The following CDH18 variants were observed in gnomAD, a reference collection of about 807,000 sequenced individuals.
CDH18 encodes the protein cadherin 18.
A neutral mutation model predicts 67.9 loss-of-function variants in CDH18; 31 were observed. The observed-to-expected ratio is 0.46, with a 90% CI of 0.34 to 0.62. The LOEUF is 0.62. Among genes scored for constraint, CDH18 ranks in the 20% least tolerant of loss-of-function variants. CDH18 has a pLI of 0.01. For synonymous variants in CDH18, 362 were observed against 347.2 expected (o/e 1.04, Z -0.48); for missense variants, 890 against 975.5 (o/e 0.91, Z 1.17).
chr5:20,392,229 T>C (rs936694963), intron 1 of CDH18, among the ~76,000 whole-genome samples: 2 of 151,880 alleles, frequency 1.3e-5, no homozygotes, highest in Non-Finnish European at 2.9e-5. Flanking sequence ...CAAATAATTA[T>C]TGAATTATTT....
At chr5:20,418,215 A>C (rs373841336) in intron 1 of CDH18, among the ~76,000 whole-genome samples, 1 of 135,146 alleles carries the variant, frequency 7.4e-6, no homozygotes, top group Non-Finnish European at 1.5e-5. Flanking sequence ...AGCAGGGATT[A>C]CAGGTGTCTG....
At position 20,429,410 on chromosome 5, in the gene CDH18, G is replaced by A. The variant is rs187390696; in HGVS notation, c.-580+146052C>T. 1.3e-3 allele frequency among the ~76,000 whole-genome samples: 198 copies of A among 152,228 alleles called. 1 individual carries two copies. The highest frequency in any genetic ancestry group is 2.4e-3 in the Non-Finnish European group (162 of 68,002). On this transcript the variant is annotated intron_variant, in intron 1 of 14. Transcript: ENST00000507958. ...TATTTTCCTTTCACAGATTGTGAAA[G>A]CAACAGTTATTCCCAGAATCACTAA...
chr5:20,563,574 T>C (rs1351202224), intron 1 of CDH18, among the ~76,000 whole-genome samples: 1 of 152,086 alleles, frequency 6.6e-6, no homozygotes, highest in Non-Finnish European at 1.5e-5. Context: ...ATACTTTAAG[T>C]TCTAGGGTAC....
At chr5:20,035,653 TC>T (rs1307528973) in intron 2 of CDH18, among the ~76,000 whole-genome samples, 1 of 152,054 alleles carries the variant, frequency 6.6e-6, no homozygotes, top group East Asian at 1.9e-4. Flanking sequence ...TCCAATCACC[TC>T]CCACTGGGTC....
chr5:20,032,019 C>T (rs552784373), intron 2 of CDH18, among the ~76,000 whole-genome samples: 1 of 151,864 alleles, frequency 6.6e-6, no homozygotes, highest in South Asian at 2.1e-4. Context: ...ACTGACCTAC[C>T]AATCCACACA....
At chr5:20,287,232 C>A (rs2126721418) in intron 1 of CDH18, among the ~76,000 whole-genome samples, 2 of 151,784 alleles carry the variant, frequency 1.3e-5, no homozygotes, top group South Asian at 4.1e-4. Context: ...TTAAAGAAAG[C>A]ATGTCATCTA....
chr5:19,771,369 T>C (rs1483381477), intron 3 of CDH18, among the ~76,000 whole-genome samples: 1 of 152,228 alleles, frequency 6.6e-6, no homozygotes, highest in Admixed American at 6.5e-5. Flanking sequence ...GAGCCCTCAC[T>C]CAGGGCAGAA....
intron 1 of CDH18, among the ~76,000 whole-genome samples, chr5:20,473,725 A>T (rs555910043): frequency 3.1e-4 from 47 of 152,166 alleles, no homozygotes; most frequent in Non-Finnish European, 6.3e-4. Flanking sequence ...ACGATTTCTT[A>T]TTTTTTATAT....
chr5:20,342,791 C>T (rs930746499), intron 1 of CDH18, among the ~76,000 whole-genome samples: 10 of 152,094 alleles, frequency 6.6e-5, no homozygotes, highest in South Asian at 2.1e-4. Flanking sequence ...CTGAAATATG[C>T]GTTAAAAGTT....
chr5:20,405,108 A>C (rs1476104036), intron 1 of CDH18, among the ~76,000 whole-genome samples: 1 of 152,170 alleles, frequency 6.6e-6, no homozygotes, highest in Non-Finnish European at 1.5e-5. Context: ...TATGGAACCA[A>C]AAAAGAGCCC....
chr5:20,542,330 T>A (rs1251508309), intron 1 of CDH18, among the ~76,000 whole-genome samples: 1 of 151,496 alleles, frequency 6.6e-6, no homozygotes, highest in African/African-American at 2.4e-5. Flanking sequence ...TTATTATAAT[T>A]ATTATTATTA....
rs1291325985 is a variant in CDH18, at chr5:19,816,274, C to T, written c.228+22485G>A. 2.6e-5 allele frequency among the ~76,000 whole-genome samples: 4 copies of T among 151,836 alleles called. No homozygotes were observed. The East Asian group carries it at 7.7e-4, about 29-fold the overall frequency. On this transcript the variant is annotated intron_variant, in intron 3 of 12. Coordinates refer to ENST00000382275, the MANE Select transcript of CDH18 (RefSeq NM_004934.5). ...GTGCAATGTGGACAAGATCCACTTA[C>T]AAATACTTGGAGATAAACATAGAGT...
chr5:19,690,564 A>G (rs1761726025), intron 5 of CDH18, among the ~76,000 whole-genome samples: 1 of 151,646 alleles, frequency 6.6e-6, no homozygotes, highest in Non-Finnish European at 1.5e-5. Flanking sequence ...AACAGAAAAC[A>G]CCCAAATTAA....
chr5:20,233,546 G>C (rs979988391), intron 2 of CDH18, among the ~76,000 whole-genome samples: 57 of 151,772 alleles, frequency 3.8e-4, no homozygotes, highest in African/African-American at 1.3e-3. Context: ...TGTATGTAAT[G>C]TTCCTATTTG....
intron 9 of CDH18, among the ~76,000 whole-genome samples, chr5:19,529,390 C>T (rs375361111): frequency 6.6e-6 from 1 of 152,138 alleles, no homozygotes; most frequent in East Asian, 1.9e-4. Flanking sequence ...ATACTGAATG[C>T]TTTATCCCAA....
intron 8 of CDH18, among the ~76,000 whole-genome samples, chr5:19,560,209 A>G (rs748500221): frequency 2.0e-5 from 3 of 152,166 alleles, no homozygotes; most frequent in African/African-American, 7.2e-5. Flanking sequence ...AGCCAAAGCA[A>G]GACTAAGCAA....
chr5:19,720,858 A>G lies in CDH18; in HGVS notation c.643+489T>C, dbSNP rs988674833. On this transcript the variant is annotated intron_variant, in intron 5 of 12. Coordinates refer to ENST00000382275, the MANE Select transcript of CDH18 (RefSeq NM_004934.5). ...ATTAGAAAAAATTGCCAACCCAAGAAATAGAAATCCCCCAGTACAATACAA... is the reference window on the plus strand; with the variant it reads ...ATTAGAAAAAATTGCCAACCCAAGAGATAGAAATCCCCCAGTACAATACAA... Among the ~76,000 whole-genome samples, 8 of 152,292 alleles carry G rather than the reference A, an allele frequency of 5.3e-5. No individual in the cohort carries two copies. The South Asian group carries it at 1.7e-3, about 32-fold the overall frequency.
At chr5:20,557,366 G>GA (rs1757961302) in intron 1 of CDH18, among the ~76,000 whole-genome samples, 1 of 151,906 alleles carries the variant, frequency 6.6e-6, no homozygotes. Context: ...ATGGTGTTCA[G>GA]ATAAAAATAG....
At chr5:20,503,535 TA>T (rs779878163) in intron 1 of CDH18, among the ~76,000 whole-genome samples, 2 of 152,186 alleles carry the variant, frequency 1.3e-5, no homozygotes, top group Non-Finnish European at 2.9e-5. Flanking sequence ...TTTTTAAACA[TA>T]AGTATCTCTA....
Sources: allele counts gnomAD v4.1 joint callset (sites outside exome capture counted in the v4.1 genomes callset), GRCh38; gene constraint gnomAD v4.1.1; transcripts MANE v1.5; gene names NCBI Gene and HGNC (gene_info 2026-07-23, HGNC 2026-07-21).